PTPN14: variants seen among roughly 807,000 people sequenced by gnomAD.
PTPN14 encodes tyrosine-protein phosphatase non-receptor type 14.
In PTPN14, 53 loss-of-function variants were observed where a neutral mutation model predicts 126.8. The ratio of observed to expected loss-of-function variants is 0.42; its 90% confidence interval spans 0.34 to 0.53. The LOEUF is 0.53. PTPN14 is among the 20% of genes least tolerant of loss of function. The pLI, the probability that PTPN14 is intolerant of heterozygous loss-of-function variation, is 0.08. For missense variants in PTPN14, 1,257 were observed against 1,552.9 expected (o/e 0.81, Z 3.20); for synonymous variants, 630 against 599.3 (o/e 1.05, Z -0.75).
chr1:214,488,304 G>A lies in PTPN14; in HGVS notation c.-154-23347C>T, dbSNP rs1005073627. Reference sequence around the variant, plus strand: ...ATTGATTATTACAAATATTTATCACGTACCTTGTAGGGGCCAGGCACTACA... The same window carrying A: ...ATTGATTATTACAAATATTTATCACATACCTTGTAGGGGCCAGGCACTACA... On this transcript the variant is annotated intron_variant, in intron 1 of 18. Transcript: ENST00000366956. 5.9e-5 allele frequency among the ~76,000 whole-genome samples: 9 copies of A among 152,228 alleles called. No individual in the cohort carries two copies. The South Asian group carries it at 1.0e-3, about 18-fold the overall frequency.
intron 1 of PTPN14, among the ~76,000 whole-genome samples, chr1:214,505,996 C>A (rs1183442249): frequency 6.6e-6 from 1 of 152,090 alleles, no homozygotes; most frequent in African/African-American, 2.4e-5. Flanking sequence ...AAACCTAAGC[C>A]CAGACACAGA....
intron 18 of PTPN14, among the ~76,000 whole-genome samples, chr1:214,359,542 CAG>C (rs894266477): frequency 2.6e-5 from 4 of 151,938 alleles, no homozygotes; most frequent in Non-Finnish European, 5.9e-5. Context: ...TATTTTGAGA[CAG>C]AGTCTTGCTC....
chr1:214,486,776 C>T (rs1045523812), intron 1 of PTPN14, among the ~76,000 whole-genome samples: 4 of 152,186 alleles, frequency 2.6e-5, no homozygotes, highest in Admixed American at 2.0e-4. Flanking sequence ...AACCCTCTCC[C>T]ATTCCCCCTA....
At chr1:214,435,580 A>G (rs926928334) in intron 3 of PTPN14, among the ~76,000 whole-genome samples, 2 of 152,226 alleles carry the variant, frequency 1.3e-5, no homozygotes, top group Admixed American at 1.3e-4. Context: ...TCCCATTAAA[A>G]AGTGGGCAAA....
At chr1:214,394,671 G>C (rs985647429) in intron 9 of PTPN14, among the ~76,000 whole-genome samples, 1 of 152,236 alleles carries the variant, frequency 6.6e-6, no homozygotes, top group African/African-American at 2.4e-5. Flanking sequence ...GCCTCCCAAA[G>C]TGTTGGGATT....
rs149516264 is a variant in PTPN14 at position 214,394,152 on chromosome 1, C to T, written c.847-375G>A. ...GGAGGCAGTGAGATGCCTTGGCTCTCGAGGAGGCACTCAACAGGAGGTCAG... is the reference window on the plus strand; with the variant it reads ...GGAGGCAGTGAGATGCCTTGGCTCTTGAGGAGGCACTCAACAGGAGGTCAG... On this transcript the variant is annotated intron_variant, in intron 9 of 18. Coordinates refer to ENST00000366956, the MANE Select transcript of PTPN14 (RefSeq NM_005401.5). Among the ~76,000 whole-genome samples the T allele has an allele frequency of 2.6e-4, 40 of 152,286 alleles. No individual in the cohort carries two copies. In the East Asian group the frequency reaches 6.0e-3, roughly 23 times the overall value.
At chr1:214,545,088 G>A (rs900112536) in intron 1 of PTPN14, among the ~76,000 whole-genome samples, 1 of 152,072 alleles carries the variant, frequency 6.6e-6, no homozygotes, top group Non-Finnish European at 1.5e-5. Flanking sequence ...AGCAGCAGAT[G>A]GGTATGAGAA....
intron 17 of PTPN14, among the ~76,000 whole-genome samples, chr1:214,365,889 G>T (rs956020606): frequency 1.4e-4 from 21 of 152,308 alleles, no homozygotes; most frequent in Admixed American, 1.3e-3. Context: ...GAAGGGCTGG[G>T]CTCAGTGGCT....
chr1:214,440,556 A>C (rs1402807657), intron 3 of PTPN14, among the ~76,000 whole-genome samples: 1 of 152,232 alleles, frequency 6.6e-6, no homozygotes, highest in Non-Finnish European at 1.5e-5. Context: ...ACACAGAAAT[A>C]AAGTTTTCAA....
chr1:214,494,225 A>AT (rs1215809971), intron 1 of PTPN14, among the ~76,000 whole-genome samples: 28 of 151,978 alleles, frequency 1.8e-4, no homozygotes, highest in Non-Finnish European at 3.2e-4. Flanking sequence ...CGCCCAGCTA[A>AT]TTTTTTGTGT....
chr1:214,418,671 T>TA (rs1217587439), intron 3 of PTPN14, among the ~76,000 whole-genome samples: 2 of 152,256 alleles, frequency 1.3e-5, no homozygotes, highest in Admixed American at 6.5e-5. Flanking sequence ...CACCCCTACT[T>TA]AGACAGTCTG....
chr1:214,513,914 T>C (rs969597145), intron 1 of PTPN14, among the ~76,000 whole-genome samples: 5 of 152,210 alleles, frequency 3.3e-5, no homozygotes, highest in African/African-American at 1.2e-4. Context: ...GTTATTACTC[T>C]TGTTCACCAT....
chr1:214,444,819 T>A (rs933417966), intron 3 of PTPN14, among the ~76,000 whole-genome samples: 1 of 152,136 alleles, frequency 6.6e-6, no homozygotes. Context: ...GGCTTTCCCA[T>A]CAACATGCCA....
chr1:214,409,977 T>C (rs567073697), intron 5 of PTPN14, among the ~76,000 whole-genome samples: 3 of 152,238 alleles, frequency 2.0e-5, no homozygotes, highest in Non-Finnish European at 4.4e-5. Context: ...TTCAGGTCCC[T>C]TGACCATTTT....
intron 1 of PTPN14, among the ~76,000 whole-genome samples, chr1:214,473,602 G>A (rs1232209748): frequency 6.6e-6 from 1 of 152,136 alleles, no homozygotes; most frequent in Non-Finnish European, 1.5e-5. Flanking sequence ...ATGTAATCTT[G>A]GTGAGGGTGT....
intron 1 of PTPN14, among the ~76,000 whole-genome samples, chr1:214,536,948 AT>A (rs1655723793): frequency 6.6e-6 from 1 of 152,288 alleles, no homozygotes; most frequent in East Asian, 1.9e-4. Flanking sequence ...GTTTATACCA[AT>A]TTTTTAAACA....
chr1:214,452,384 A>T (rs1472007303), intron 2 of PTPN14, among the ~76,000 whole-genome samples: 2 of 152,226 alleles, frequency 1.3e-5, no homozygotes, highest in East Asian at 3.8e-4. Flanking sequence ...CTGCAATGTA[A>T]CTTATTACTC....
At chr1:214,520,303 T>C (rs1048333671) in intron 1 of PTPN14, among the ~76,000 whole-genome samples, 5 of 151,824 alleles carry the variant, frequency 3.3e-5, no homozygotes, top group Non-Finnish European at 7.4e-5. Context: ...TCTAAACCAA[T>C]AAATATATAG....
intron 1 of PTPN14, among the ~76,000 whole-genome samples, chr1:214,526,725 G>A (rs1655409261): frequency 6.6e-6 from 1 of 152,172 alleles, no homozygotes; most frequent in African/African-American, 2.4e-5. Flanking sequence ...GAGATGTGTG[G>A]AAGAAGTGAT....
Sources: gnomAD v4.1 joint callset for allele counts (sites outside exome capture counted in the v4.1 genomes callset) on GRCh38, gnomAD v4.1.1 for gene constraint, MANE v1.5 for transcripts, NCBI Gene and HGNC (gene_info 2026-07-23, HGNC 2026-07-21) for gene names.